The following ACACB variants were observed in gnomAD, a reference collection of about 807,000 sequenced individuals.
ACACB encodes acetyl-CoA carboxylase beta.
Under a neutral mutation model 278.8 loss-of-function variants are expected in ACACB, and 209 were observed. That is an observed-to-expected ratio of 0.75 (90% CI 0.67 to 0.84). ACACB has a LOEUF of 0.84. ACACB is among the 40% of genes least tolerant of loss of function. ACACB has a pLI of 0.00. For synonymous variants in ACACB, 1,174 were observed against 1,285.6 expected (o/e 0.91, Z 1.86); for missense variants, 2,850 against 3,269.0 (o/e 0.87, Z 3.13).
intron 2 of ACACB, among the ~76,000 whole-genome samples, chr12:109,164,882 C>T (rs1401411619): frequency 6.6e-6 from 1 of 151,830 alleles, no homozygotes; most frequent in Admixed American, 6.6e-5. Context: ...CACGCCTGGC[C>T]CTGAATAGCC....
chr12:109,256,257 A>C, intron 45 of ACACB, 21 bp downstream of exon 45: 1 of 1,607,776 alleles, frequency 6.2e-7, no homozygotes, highest in East Asian at 2.2e-5. Flanking sequence ...AGACGGGAGC[A>C]GGCTGCCCAT....
At chr12:109,112,688 CAAAAA>C (rs57131257), upstream of ACACB, among the ~76,000 whole-genome samples, 159 of 103,326 alleles carry the variant, frequency 1.5e-3, no homozygotes, top group Middle Eastern at 5.3e-3. Flanking sequence ...AACTCCGTCT[CAAAAA>C]AAAAAAAAAA....
At chr12:109,222,324 A>C (rs1219557347) in intron 24 of ACACB, among the ~76,000 whole-genome samples, 183 bp from the exon 25 acceptor site, 1 of 152,142 alleles carries the variant, frequency 6.6e-6, no homozygotes. Flanking sequence ...TGAATGAATG[A>C]CTGACTGGGG....
upstream of ACACB, among the ~76,000 whole-genome samples, chr12:109,113,839 G>T (rs1362921837): frequency 1.3e-5 from 2 of 152,216 alleles, no homozygotes; most frequent in Non-Finnish European, 2.9e-5. Flanking sequence ...GACCTCACAT[G>T]CTGACTTGTG....
chr12:109,188,199 TTCCTTC>T, intron 13 of ACACB, 37 bp downstream of exon 13: 1 of 1,258,984 alleles, frequency 7.9e-7, no homozygotes, highest in Admixed American at 2.0e-5. Context: ...CCTTCCTTCC[TTCCTTC>T]CTTCCTTCCT....
At position 109,227,474 on chromosome 12, in the gene ACACB, C is replaced by A. The variant is rs1388208166; in HGVS notation, c.3986C>A (p.Ser1329Tyr). ...CVVEFQFMLP[S>Y]SHPNRMTVPI... ...GTAGAATTCCAGTTCATGCTGCCGT[C>A]CTCCCACCCAAACCGGTATGGAGTG... Residue 1329 changes from serine (S) to tyrosine (Y), a missense_variant, in exon 28 of 53, where the codon TCC (serine) becomes TAC (tyrosine). Physicochemically the swap from Ser to Tyr is moderately radical, Grantham distance 144. This residue lies in a region of ACACB where 2,265 missense variants were observed against 2,561.3 expected (regional missense o/e 0.88). Coordinates refer to ENST00000338432, the MANE Select transcript of ACACB (RefSeq NM_001093.4). 6.2e-7 allele frequency: 1 copy of A among 1,613,932 alleles called. No individual in the cohort carries two copies. The highest frequency in any genetic ancestry group is 8.5e-7 in the Non-Finnish European group (1 of 1,179,986).
chr12:109,211,415 A>T (rs922733119), intron 21 of ACACB, among the ~76,000 whole-genome samples: 2 of 114,856 alleles, frequency 1.7e-5, no homozygotes, highest in Admixed American at 1.0e-4. Flanking sequence ...ATTCCCAGCT[A>T]TTTTTTTGTA....
intron 24 of ACACB, among the ~76,000 whole-genome samples, chr12:109,220,173 T>C (rs2046119459): frequency 6.6e-6 from 1 of 152,144 alleles, no homozygotes; most frequent in Non-Finnish European, 1.5e-5. Context: ...TCTTGGGAAT[T>C]GGGACATTTT....
At position 109,117,583 on chromosome 12, in the gene ACACB, T is replaced by A. The variant is rs538202427; in HGVS notation, c.-10+879T>A. 1.9e-4 allele frequency among the ~76,000 whole-genome samples: 29 copies of A among 152,200 alleles called. No individual in the cohort carries two copies. In the South Asian group the frequency reaches 3.7e-3, roughly 20 times the overall value. On this transcript the variant is annotated intron_variant, in intron 1 of 52. Coordinates refer to ENST00000338432, the MANE Select transcript of ACACB (RefSeq NM_001093.4). ...CTCCTCCAGGTAGCCACTGTGCACA[T>A]TTTGGTATAAACCCCCCAGACCTTT...
intron 21 of ACACB, among the ~76,000 whole-genome samples, chr12:109,210,821 G>A (rs1189344562): frequency 2.6e-5 from 4 of 151,548 alleles, no homozygotes; most frequent in Non-Finnish European, 5.9e-5. Context: ...GGCTGAGGCA[G>A]GAGAATTGCT....
intron 24 of ACACB, among the ~76,000 whole-genome samples, chr12:109,217,966 A>G (rs1403984776): frequency 6.6e-6 from 1 of 152,244 alleles, no homozygotes; most frequent in African/African-American, 2.4e-5. Context: ...CAGCAGTCCT[A>G]GAAAGTGGGT....
intron 2 of ACACB, among the ~76,000 whole-genome samples, chr12:109,164,931 C>A (rs34276): frequency 0.67 from 101,101 of 151,630 alleles, 36,841 homozygotes; most frequent in Middle Eastern, 0.87. Flanking sequence ...TCCACTGAAA[C>A]CAGAGGGTAA....
chr12:109,116,494 C>A (rs1163221115), upstream of ACACB: 1 of 152,244 alleles, frequency 6.6e-6, no homozygotes, highest in Admixed American at 6.5e-5. Flanking sequence ...CTCATCTTTG[C>A]CCCGGGTTGT....
In ACACB at chr12:109,168,692, C is replaced by T. The variant is rs571975890; in HGVS notation, c.925+658C>T. Among the ~76,000 whole-genome samples, 51 of 152,120 alleles carry T rather than the reference C, an allele frequency of 3.4e-4. 2 individuals are homozygous for T. In the South Asian group the frequency reaches 8.7e-3, roughly 26 times the overall value. ...AAAAAATTAACTGGGTATAGTGGCA[C>T]GCACCTGTAGTCTCAGCTACTCAGG... is the stretch of plus-strand genomic sequence containing the variant. On this transcript the variant is annotated intron_variant, in intron 4 of 52. Transcript: ENST00000338432.
chr12:109,140,252 TTCCA>T lies in ACACB; in HGVS notation c.653+198_653+201del, dbSNP rs1565857334. On this transcript the variant is annotated intron_variant, in intron 2 of 52. Coordinates refer to ENST00000338432, the MANE Select transcript of ACACB (RefSeq NM_001093.4). ...CTTCCTTCCTTCCTTCCTTCCTTCC[TTCCA>T]TCCTTCCTTCCTTCTTTCCTTCCTT... Among the ~76,000 whole-genome samples the T allele has an allele frequency of 8.4e-4, 103 of 122,516 alleles. 1 individual carries two copies. Among genetic ancestry groups the T allele is most frequent in the Middle Eastern group, 4.5e-3 (1 of 224 alleles). The allele number at this position is 122,516 out of a possible 152,430, so 80.4% of individuals were successfully genotyped here. A position where few individuals can be genotyped will look rare whatever the true frequency, so the allele number is the denominator to read the frequency against.
At chr12:109,205,530 A>G (rs2045477283) in intron 19 of ACACB, among the ~76,000 whole-genome samples, 1 of 151,600 alleles carries the variant, frequency 6.6e-6, no homozygotes, top group Admixed American at 6.6e-5. Flanking sequence ...GCTCACTGCA[A>G]CCTCTGCCTC....
chr12:109,237,042 C>G, intron 33 of ACACB, 123 bp from the exon 34 acceptor site: 1 of 922,586 alleles, frequency 1.1e-6, no homozygotes, highest in Non-Finnish European at 1.7e-6. Flanking sequence ...ATGCTGCATT[C>G]CTGAGTGCCA....
intron 1 of ACACB, among the ~76,000 whole-genome samples, chr12:109,118,002 G>A (rs562689300): frequency 4.9e-4 from 74 of 152,176 alleles, no homozygotes; most frequent in African/African-American, 1.5e-3. Flanking sequence ...CGCCCGCCTC[G>A]GCCTCCCAGA....
At chr12:109,182,859 C>T (rs1209209402) in intron 11 of ACACB, among the ~76,000 whole-genome samples, 2 of 152,142 alleles carry the variant, frequency 1.3e-5, no homozygotes, top group African/African-American at 4.8e-5. Context: ...GGGTATTACT[C>T]AATAAATTTT....
Sources: gnomAD v4.1 joint callset for allele counts (sites outside exome capture counted in the v4.1 genomes callset) on GRCh38, gnomAD v4.1.1 for gene constraint, gnomAD v4.1.1 regional missense constraint, MANE v1.5 for transcripts, NCBI Gene and HGNC (gene_info 2026-07-23, HGNC 2026-07-21) for gene names.